PCDHGA3: variants seen among roughly 807,000 people sequenced by gnomAD.
PCDHGA3 encodes protocadherin gamma-A3.
PCDHGA3 carries 40 observed loss-of-function variants against 58.5 expected under a neutral mutation model. The observed-to-expected ratio is 0.68, with a 90% CI of 0.53 to 0.89. The LOEUF is 0.89. Among genes scored for constraint, PCDHGA3 ranks in the 40% least tolerant of loss-of-function variants. The pLI is 0.00. For synonymous variants in PCDHGA3, 530 were observed against 525.7 expected, an observed-to-expected ratio of 1.01 and a Z score of -0.11; for missense variants, 1,223 against 1,195.9, an observed-to-expected ratio of 1.02 and a Z score of -0.33.
intron 1 of PCDHGA3, chr5:141,384,715 T>C: frequency 6.2e-7 from 1 of 1,614,088 alleles, no homozygotes. Flanking sequence ...CTGGCTGTCA[T>C]ACCTCCTGCT....
In PCDHGA3 at chr5:141,486,819, T is replaced by TG; in HGVS notation, c.2425-7988_2425-7987insG. 6.2e-7 allele frequency: 1 copy of TG among 1,614,212 alleles called. No homozygotes were observed. Among genetic ancestry groups the TG allele is most frequent in the Non-Finnish European group, 8.5e-7 (1 of 1,180,034 alleles). On this transcript the variant is annotated intron_variant, in intron 1 of 3. Coordinates refer to ENST00000253812, the MANE Select transcript of PCDHGA3 (RefSeq NM_018916.4). The surrounding 1 kb of genome is among the most constrained non-coding windows in gnomAD (Gnocchi z 5.0). ...GGCAACCCACCCCTTAGCAGCACTG[T>TG]AACAGTTCGTCTATTTGTGCTGGAC...
At chr5:141,429,848 C>T (rs567448097) in intron 1 of PCDHGA3, among the ~76,000 whole-genome samples, 25 of 152,228 alleles carry the variant, frequency 1.6e-4, no homozygotes, top group African/African-American at 5.8e-4. Context: ...AAGTCTGTAA[C>T]ATTCTTTGGA....
chr5:141,413,352 G>C lies in PCDHGA3; in HGVS notation c.2424+66895G>C, dbSNP rs896091511. ...ACATCTCCAAGGACTTGGGTCTGGC[G>C]CCCCGGGAGCTGGCGGAGCGCGGAG... On this transcript the variant is annotated intron_variant, in intron 1 of 3. Coordinates refer to ENST00000253812, the MANE Select transcript of PCDHGA3 (RefSeq NM_018916.4). 1.9e-6 allele frequency: 3 copies of C among 1,613,858 alleles called. No homozygotes were observed. In the African/African-American group the frequency reaches 4.0e-5, roughly 22 times the overall value.
chr5:141,506,847 T>C lies in PCDHGA3; in HGVS notation c.2572+1366T>C, dbSNP rs146737657. ...GAACTGATAGCCCTGCCCTCCAGCA[T>C]GTCTGGAGGACTGGTGGGTAGAGAA... On this transcript the variant is annotated intron_variant, in intron 3 of 3. Coordinates refer to ENST00000253812, the MANE Select transcript of PCDHGA3 (RefSeq NM_018916.4). 3.7e-3 allele frequency among the ~76,000 whole-genome samples: 564 copies of C among 152,318 alleles called. 5 individuals are homozygous for C. Among genetic ancestry groups the C allele is most frequent in the Admixed American group, 0.011 (164 of 15,302 alleles).
At chr5:141,445,938 G>A (rs2098482293) in intron 1 of PCDHGA3, among the ~76,000 whole-genome samples, 1 of 152,196 alleles carries the variant, frequency 6.6e-6, no homozygotes, top group Non-Finnish European at 1.5e-5. Flanking sequence ...GAATTATTAA[G>A]CTTACTCTGG....
intron 1 of PCDHGA3, chr5:141,409,583 G>A (rs1221824873): frequency 1.2e-6 from 2 of 1,613,920 alleles, no homozygotes; most frequent in African/African-American, 1.3e-5. Flanking sequence ...CGTGGTCCAC[G>A]TGGCCGAGAA....
chr5:141,397,332 A>G (rs1246653356), intron 1 of PCDHGA3, among the ~76,000 whole-genome samples: 1 of 152,234 alleles, frequency 6.6e-6, no homozygotes, highest in Non-Finnish European at 1.5e-5. Flanking sequence ...AATTATTTTT[A>G]TAAAGAATGT....
intron 1 of PCDHGA3, chr5:141,422,945 C>T (rs13188215): frequency 6.2e-7 from 1 of 1,614,134 alleles, no homozygotes; most frequent in Non-Finnish European, 8.5e-7. Context: ...ACAGACGGCT[C>T]CACTGGCGTG....
intron 1 of PCDHGA3, chr5:141,385,078 G>C (rs755613540): frequency 6.2e-7 from 1 of 1,614,222 alleles, no homozygotes. Context: ...CCTGCTGCAG[G>C]CTTCAGAAGG....
rs763676784 is a variant in PCDHGA3 at position 141,374,276 on chromosome 5, C to A, written c.2424+27819C>A. The A allele has an allele frequency of 4.3e-6, 7 of 1,613,974 alleles. No individual in the cohort carries two copies. In the Admixed American group the frequency reaches 8.3e-5, roughly 19 times the overall value. On this transcript the variant is annotated intron_variant, in intron 1 of 3. Transcript: ENST00000253812. ...CCAGGAGTTGGCGGAGCACGGAGTC[C>A]GCATCGTCTCCAGAGGTAGGATGCA...
At chr5:141,418,435 A>G (rs1237542659) in intron 1 of PCDHGA3, 1 of 1,614,038 alleles carries the variant, frequency 6.2e-7, no homozygotes, top group South Asian at 1.1e-5. Context: ...GCAAATATCC[A>G]GAATTAGTAT....
intron 1 of PCDHGA3, chr5:141,370,493 C>T: frequency 6.2e-7 from 1 of 1,613,944 alleles, no homozygotes; most frequent in Non-Finnish European, 8.5e-7. Flanking sequence ...CCGAACCGAT[C>T]CGCTACGCTA....
At chr5:141,350,272 C>T in intron 1 of PCDHGA3, 1 of 1,511,494 alleles carries the variant, frequency 6.6e-7, no homozygotes, top group Non-Finnish European at 8.8e-7. Flanking sequence ...TGCAGAGAGC[C>T]AGAGAAGCCG....
chr5:141,410,687 T>A, intron 1 of PCDHGA3: 1 of 1,518,632 alleles, frequency 6.6e-7, no homozygotes, highest in Non-Finnish European at 8.8e-7. Context: ...TTAGGCATAC[T>A]ACTTTATTTT....
Position 141,489,268 on chromosome 5 carries a change from G to T in PCDHGA3, c.2425-5539G>T. On this transcript the variant is annotated intron_variant, in intron 1 of 3. Transcript: ENST00000253812. This position sits in a 1 kb window ranked among gnomAD's most constrained non-coding sequence, Gnocchi z 4.5. The stretch of plus-strand genomic sequence containing the variant: ...GGGGCCCAAGACACTCCCACAGCTC[G>T]CTGGGAAATGGCAAGTGCTGTGCAT... The T allele has an allele frequency of 3.9e-6, 6 of 1,553,284 alleles. No homozygotes were observed. The South Asian group carries it at 5.0e-5, about 13-fold the overall frequency.
Position 141,511,186 on chromosome 5 carries a change from G to A in PCDHGA3, c.*13G>A. 1 of 1,613,906 alleles carries A rather than the reference G, an allele frequency of 6.2e-7. No individual in the cohort carries two copies. The highest frequency in any genetic ancestry group is 8.5e-7 in the Non-Finnish European group (1 of 1,179,890). ...GGAGAAGAAGTAACATGGAGGCCAG[G>A]CCAAGAGCCACAGGGCGGCCTCTCC... On this transcript the variant is annotated 3_prime_UTR_variant, in exon 4 of 4. Transcript: ENST00000253812.
chr5:141,419,264 G>T (rs2096351955), intron 1 of PCDHGA3: 1 of 1,614,036 alleles, frequency 6.2e-7, no homozygotes, highest in Non-Finnish European at 8.5e-7. Context: ...CCAGCCGGGT[G>T]CCTCCATAGC....
rs756079907 is a variant in PCDHGA3, at chr5:141,346,289, C to G, written c.2256C>G (p.Thr752=). ...ACGGGGTTCGGGCTTTCCTGCAGAC[C>G]TATTCCCACGAGGTCTCCCTCACTG... ...GADGVRAFLQ[T]YSHEVSLTAD... Residue 752 remains threonine, a synonymous_variant, in exon 1 of 4, where the codon ACC becomes ACG. Transcript: ENST00000253812. The G allele has an allele frequency of 1.2e-5, 20 of 1,614,104 alleles. 2 individuals are homozygous for G. The South Asian group carries it at 2.0e-4, about 16-fold the overall frequency.
chr5:141,462,668 T>C (rs778396861), intron 1 of PCDHGA3, among the ~76,000 whole-genome samples: 10 of 152,232 alleles, frequency 6.6e-5, no homozygotes, highest in Non-Finnish European at 1.5e-4. Flanking sequence ...CTTCATATTT[T>C]TCTTTAAATT....
Sources: allele counts gnomAD v4.1 joint callset (sites outside exome capture counted in the v4.1 genomes callset), GRCh38; gene constraint gnomAD v4.1.1; non-coding constraint Gnocchi (gnomAD v3.1); transcripts MANE v1.5; gene names NCBI Gene and HGNC (gene_info 2026-07-23, HGNC 2026-07-21).